Variants in MAST2 observed in about 807,000 individuals in gnomAD.
MAST2 encodes microtubule-associated serine/threonine-protein kinase 2.
A neutral mutation model predicts 147.4 loss-of-function variants in MAST2; 70 were observed. That is an observed-to-expected ratio of 0.47 (90% CI 0.39 to 0.58). MAST2 has a LOEUF of 0.58. Ranked by LOEUF, MAST2 falls within the 20% of genes least tolerant of loss-of-function variation. The pLI is 0.00. For missense variants in MAST2, 2,080 were observed against 2,302.3 expected (o/e 0.90, Z 1.98); for synonymous variants, 869 against 896.8 (o/e 0.97, Z 0.55).
At chr1:45,900,173 CAAAAAAAAA>C (rs59051138) in intron 4 of MAST2, among the ~76,000 whole-genome samples, 1 of 54,106 alleles carries the variant, frequency 1.8e-5, no homozygotes, top group African/African-American at 8.8e-5. Context: ...CTCTCTCTCT[CAAAAAAAAA>C]AAAAAAAAAA....
At chr1:46,021,050 T>C (rs1054596420) in intron 11 of MAST2, among the ~76,000 whole-genome samples, 3 of 151,988 alleles carry the variant, frequency 2.0e-5, no homozygotes, top group African/African-American at 7.3e-5. Flanking sequence ...CAGTGAATGG[T>C]AGGATAATAG....
chr1:45,897,841 A>G (rs1164987043), intron 4 of MAST2, among the ~76,000 whole-genome samples: 1 of 151,916 alleles, frequency 6.6e-6, no homozygotes, highest in Non-Finnish European at 1.5e-5. Context: ...ACAGTGGCTC[A>G]TACTTGTAAT....
chr1:45,936,861 C>T (rs983546067), intron 4 of MAST2, among the ~76,000 whole-genome samples: 20 of 152,210 alleles, frequency 1.3e-4, no homozygotes, highest in African/African-American at 4.6e-4. Context: ...ACCTCAGATT[C>T]AGTCTCAGGG....
chr1:46,023,758 A>T lies in MAST2; in HGVS notation c.1572-14A>T. The T allele has an allele frequency of 1.9e-6, 3 of 1,612,598 alleles. No individual in the cohort carries two copies. The highest frequency in any genetic ancestry group is 2.5e-6 in the Non-Finnish European group (3 of 1,179,108). On this transcript the variant is annotated splice_polypyrimidine_tract_variant and intron_variant, in intron 14 of 28. Coordinates refer to ENST00000361297, the MANE Select transcript of MAST2 (RefSeq NM_015112.3). The surrounding 1 kb of genome is among the most constrained non-coding windows in gnomAD (Gnocchi z 4.9). Reference sequence around the variant, plus strand: ...TGAGGGTCCATGGGGGATGGGCCGGACTTTGTTTCCCAGGGCTGTATTTCT... The same window carrying T: ...TGAGGGTCCATGGGGGATGGGCCGGTCTTTGTTTCCCAGGGCTGTATTTCT...
intron 16 of MAST2, among the ~76,000 whole-genome samples, 183 bp from the exon 17 acceptor site, chr1:46,027,545 TGCA>T (rs1286643669): frequency 6.6e-6 from 1 of 152,186 alleles, no homozygotes; most frequent in African/African-American, 2.4e-5. Flanking sequence ...TTGTGCAGAA[TGCA>T]GCACTCACAC....
chr1:45,914,644 AG>A (rs1652193939), intron 4 of MAST2, among the ~76,000 whole-genome samples: 1 of 152,176 alleles, frequency 6.6e-6, no homozygotes, highest in Non-Finnish European at 1.5e-5. Context: ...TGAGACAGAC[AG>A]GCTTCTTCAG....
At position 45,821,016 on chromosome 1, in the gene MAST2, C is replaced by G. The variant is rs1644610424; in HGVS notation, c.178-3417C>G. Among the ~76,000 whole-genome samples the G allele has an allele frequency of 2.0e-5, 3 of 147,664 alleles. No homozygotes were observed. In the South Asian group the frequency reaches 6.4e-4, roughly 32 times the overall value. On this transcript the variant is annotated intron_variant, in intron 1 of 28. Transcript: ENST00000361297. ...CTGGGCTCAAGCAATTTTCTTGCCTCATCCTCCTGAGTAGCTGGGACCACA... is the reference window on the plus strand; with the variant it reads ...CTGGGCTCAAGCAATTTTCTTGCCTGATCCTCCTGAGTAGCTGGGACCACA...
At chr1:45,870,082 C>T (rs1646320214) in intron 3 of MAST2, among the ~76,000 whole-genome samples, 1 of 152,126 alleles carries the variant, frequency 6.6e-6, no homozygotes, top group Non-Finnish European at 1.5e-5. Flanking sequence ...TGCCACCATG[C>T]CTGGCTAATT....
At chr1:45,892,149 A>G (rs1647904929) in intron 4 of MAST2, among the ~76,000 whole-genome samples, 1 of 152,210 alleles carries the variant, frequency 6.6e-6, no homozygotes, top group South Asian at 2.1e-4. Flanking sequence ...TCTTTGTTGG[A>G]CAACCATTTT....
Position 46,027,791 on chromosome 1 carries a change from C to G in MAST2, c.1980C>G (p.Gly660=), listed in dbSNP as rs576278578. Residue 660 remains glycine, a synonymous_variant, in exon 17 of 29, where the codon GGC becomes GGG. Transcript: ENST00000361297. ...CGGACTTTGGACTGTCCAAAATTGG[C>G]CTCATGAGTCTGACAACGAACTTGT... The part of the protein sequence containing the change: ...KLTDFGLSKI[G]LMSLTTNLYE... 1.0e-4 allele frequency: 167 copies of G among 1,614,068 alleles called. No individual in the cohort carries two copies. In the South Asian group the frequency reaches 1.7e-3, roughly 16 times the overall value.
chr1:45,870,020 T>G (rs1007940508), intron 3 of MAST2, among the ~76,000 whole-genome samples: 1 of 152,108 alleles, frequency 6.6e-6, no homozygotes, highest in Non-Finnish European at 1.5e-5. Flanking sequence ...GCCTCCTGGG[T>G]TCAAGCGATT....
At chr1:45,867,021 A>C (rs1459398055) in intron 3 of MAST2, among the ~76,000 whole-genome samples, 1 of 152,082 alleles carries the variant, frequency 6.6e-6, no homozygotes, top group Non-Finnish European at 1.5e-5. Flanking sequence ...AATTGCTGGG[A>C]TTGCAGATGT....
intron 3 of MAST2, among the ~76,000 whole-genome samples, chr1:45,869,308 G>A (rs1402602328): frequency 6.6e-6 from 1 of 152,176 alleles, no homozygotes; most frequent in Non-Finnish European, 1.5e-5. Context: ...TCTGGAGTCT[G>A]TGTTAACAAT....
intron 5 of MAST2, among the ~76,000 whole-genome samples, chr1:45,983,959 G>C (rs1340494537): frequency 2.6e-5 from 4 of 152,182 alleles, no homozygotes; most frequent in African/African-American, 9.7e-5. Context: ...GCAATTTGAA[G>C]ATGGACGTTT....
At chr1:45,969,619 G>T (rs1158959301) in intron 5 of MAST2, among the ~76,000 whole-genome samples, 1 of 151,850 alleles carries the variant, frequency 6.6e-6, no homozygotes, top group Non-Finnish European at 1.5e-5. Flanking sequence ...AATGCCTGAT[G>T]ATCTGTCACT....
At chr1:45,844,674 C>CA (rs1363100672) in intron 3 of MAST2, among the ~76,000 whole-genome samples, 2 of 152,160 alleles carry the variant, frequency 1.3e-5, no homozygotes. Context: ...AATCCTGCCT[C>CA]AGACTTCAAA....
At chr1:45,827,964 T>G (rs577740490) in intron 2 of MAST2, among the ~76,000 whole-genome samples, 1 of 151,876 alleles carries the variant, frequency 6.6e-6, no homozygotes, top group South Asian at 2.1e-4. Context: ...CCTGAGTAGC[T>G]GGGACCACAG....
At chr1:45,979,748 T>A (rs1644323691) in intron 5 of MAST2, among the ~76,000 whole-genome samples, 1 of 152,054 alleles carries the variant, frequency 6.6e-6, no homozygotes, top group Non-Finnish European at 1.5e-5. Flanking sequence ...GGTGGGAGGA[T>A]CATTTAAGCC....
chr1:45,917,721 C>T (rs1250751269), intron 4 of MAST2, among the ~76,000 whole-genome samples: 1 of 152,156 alleles, frequency 6.6e-6, no homozygotes, highest in Non-Finnish European at 1.5e-5. Context: ...GGTAGGTTAT[C>T]AGTACTTGGA....
Sources: gnomAD v4.1 joint callset for allele counts (sites outside exome capture counted in the v4.1 genomes callset) on GRCh38, gnomAD v4.1.1 for gene constraint, Gnocchi (gnomAD v3.1) non-coding constraint, MANE v1.5 for transcripts, NCBI Gene and HGNC (gene_info 2026-07-23, HGNC 2026-07-21) for gene names.